The following PHF21A variants were observed in gnomAD, a reference collection of about 807,000 sequenced individuals.
The protein encoded by PHF21A is PHD finger protein 21A, also known as BHC80a.
A neutral mutation model predicts 82.5 loss-of-function variants in PHF21A; 11 were observed. The ratio of observed to expected loss-of-function variants is 0.13; its 90% CI spans 0.08 to 0.22. PHF21A has a LOEUF of 0.22. PHF21A is among the 10% of genes least tolerant of loss of function. The pLI is 1.00. For synonymous variants in PHF21A, 297 were observed against 302.8 expected, an observed-to-expected ratio of 0.98 and a Z score of 0.20; for missense variants, 579 against 837.8, an observed-to-expected ratio of 0.69 and a Z score of 3.81.
intron 6 of PHF21A, among the ~76,000 whole-genome samples, chr11:46,069,146 T>C (rs549528983): frequency 6.6e-6 from 1 of 152,354 alleles, no homozygotes; most frequent in South Asian, 2.1e-4. Flanking sequence ...CAGCCAGTTA[T>C]TTCTGAGCCT....
At chr11:45,949,520 G>A in intron 12 of PHF21A, 39 bp from the exon 13 acceptor site, 2 of 1,522,858 alleles carry the variant, frequency 1.3e-6, no homozygotes, top group Non-Finnish European at 1.8e-6. Flanking sequence ...AGAGAGGCAT[G>A]GAGAACCTAA....
intron 6 of PHF21A, among the ~76,000 whole-genome samples, chr11:45,993,582 G>T (rs983299656): frequency 3.3e-5 from 5 of 151,512 alleles, no homozygotes; most frequent in African/African-American, 1.2e-4. Flanking sequence ...AACTTTTCTG[G>T]GGCTCACAGG....
At chr11:46,037,040 T>C (rs971314628) in intron 6 of PHF21A, among the ~76,000 whole-genome samples, 1 of 152,186 alleles carries the variant, frequency 6.6e-6, no homozygotes, top group Non-Finnish European at 1.5e-5. Flanking sequence ...CCCTATGTTA[T>C]TGTACTAGCT....
At chr11:46,086,826 C>A (rs1471247696) in intron 3 of PHF21A, among the ~76,000 whole-genome samples, 3 of 152,078 alleles carry the variant, frequency 2.0e-5, no homozygotes, top group Non-Finnish European at 4.4e-5. Flanking sequence ...GGTTAAAACA[C>A]AAAGAACTTA....
In PHF21A at chr11:46,015,837, T is replaced by C. The variant is rs568646700; in HGVS notation, c.154-35871A>G. Among the ~76,000 whole-genome samples, 11 of 152,298 alleles carry C rather than the reference T, an allele frequency of 7.2e-5. No individual in the cohort carries two copies. The South Asian group carries it at 8.3e-4, about 11-fold the overall frequency. On this transcript the variant is annotated intron_variant, in intron 6 of 18. Coordinates refer to ENST00000676320, the MANE Select transcript of PHF21A (RefSeq NM_001352027.3). ...GAGCTGTCATCTTCTATGGTAACAA[T>C]GCCTTCGTCTGAAATACCTCCTGAA...
rs1312616351 is a variant in PHF21A, at chr11:45,934,319, G to C, written c.1789-94C>G. On this transcript the variant is annotated intron_variant, in intron 18 of 18. Transcript: ENST00000676320. ...GCAGAGCGCCTTCTCTCTGCCCAGGGAGAAGAAGCTCTGCTGGCTGCTGTG... is the reference window on the plus strand; with the variant it reads ...GCAGAGCGCCTTCTCTCTGCCCAGGCAGAAGAAGCTCTGCTGGCTGCTGTG... The C allele has an allele frequency of 1.6e-5, 20 of 1,273,062 alleles. No individual in the cohort carries two copies. The East Asian group carries it at 4.6e-4, about 29-fold the overall frequency. 78.9% of individuals were successfully genotyped at this position (1,273,062 alleles called of 1,614,324 possible). A position where few individuals can be genotyped will look rare whatever the true frequency, so the allele number is the denominator to read the frequency against.
intron 6 of PHF21A, among the ~76,000 whole-genome samples, chr11:46,058,911 A>G (rs1020695867): frequency 6.6e-6 from 1 of 152,216 alleles, no homozygotes; most frequent in African/African-American, 2.4e-5. Flanking sequence ...TGAGAAAGTC[A>G]ATCTCTAGAC....
intron 6 of PHF21A, among the ~76,000 whole-genome samples, chr11:46,071,229 G>C (rs1783009024): frequency 6.6e-6 from 1 of 152,188 alleles, no homozygotes; most frequent in South Asian, 2.1e-4. Context: ...CCTGCTTCTT[G>C]TGCTCTTAGG....
chr11:46,014,277 T>C (rs982283874), intron 6 of PHF21A, among the ~76,000 whole-genome samples: 1 of 152,234 alleles, frequency 6.6e-6, no homozygotes, highest in Admixed American at 6.5e-5. Flanking sequence ...CAGTTTTCTG[T>C]TTCTGCATTA....
At chr11:46,064,351 C>T (rs962032194) in intron 6 of PHF21A, among the ~76,000 whole-genome samples, 2 of 152,108 alleles carry the variant, frequency 1.3e-5, no homozygotes, top group African/African-American at 4.8e-5. Context: ...TAGTTGAAAA[C>T]TTGTAGGGCC....
intron 10 of PHF21A, among the ~76,000 whole-genome samples, chr11:45,957,309 C>G (rs536453825): frequency 6.6e-6 from 1 of 152,122 alleles, no homozygotes; most frequent in Non-Finnish European, 1.5e-5. Context: ...AAAGAATACT[C>G]CACTCCACAA....
intron 10 of PHF21A, among the ~76,000 whole-genome samples, chr11:45,956,623 A>AACGT (rs1427943877): frequency 2.0e-5 from 3 of 152,192 alleles, no homozygotes; most frequent in Non-Finnish European, 2.9e-5. Context: ...GATTGTTAAA[A>AACGT]ACGTATGAAT....
intron 10 of PHF21A, among the ~76,000 whole-genome samples, chr11:45,957,751 C>CAA: frequency 9.9e-5 from 6 of 60,902 alleles, no homozygotes; most frequent in Admixed American, 1.8e-4. Flanking sequence ...AAATTCAAAG[C>CAA]AAAAAAAAAA....
At chr11:46,036,061 G>A (rs917505082) in intron 6 of PHF21A, among the ~76,000 whole-genome samples, 2 of 152,168 alleles carry the variant, frequency 1.3e-5, no homozygotes, top group Non-Finnish European at 2.9e-5. Context: ...TAATGGCATG[G>A]GCTAAAGTAG....
At chr11:46,023,699 T>C (rs1222732460) in intron 6 of PHF21A, among the ~76,000 whole-genome samples, 1 of 152,252 alleles carries the variant, frequency 6.6e-6, no homozygotes. Context: ...CTCATGCCTG[T>C]AATCCCAACA....
rs925946424 is a variant in PHF21A, at chr11:46,121,387, C to T, written c.-689G>A. Among the ~76,000 whole-genome samples the T allele has an allele frequency of 6.6e-6, 1 of 151,174 alleles. No homozygotes were observed. Among genetic ancestry groups the T allele is most frequent in the Non-Finnish European group, 1.5e-5 (1 of 67,624 alleles). ...AGACAAACAAGCCCAACTCTTCATC[C>T]TCCTCCTCCTCTCAGCAGCAGCAGC... On this transcript the variant is annotated 5_prime_UTR_variant, in exon 1 of 19. Coordinates refer to ENST00000676320, the MANE Select transcript of PHF21A (RefSeq NM_001352027.3).
chr11:45,989,693 TAAAAATAA>T (rs927588468), intron 6 of PHF21A, among the ~76,000 whole-genome samples: 1 of 145,470 alleles, frequency 6.9e-6, no homozygotes, highest in African/African-American at 2.5e-5. Flanking sequence ...TAAATAAAAA[TAAAAATAA>T]AAAAATAAAA....
chr11:45,938,720 G>C (rs1296665673), intron 15 of PHF21A, among the ~76,000 whole-genome samples: 1 of 152,216 alleles, frequency 6.6e-6, no homozygotes, highest in African/African-American at 2.4e-5. Context: ...AGATGGGAAT[G>C]AGGTCTATCT....
At chr11:46,089,840 A>C (rs1193618785) in intron 3 of PHF21A, among the ~76,000 whole-genome samples, 5 of 151,092 alleles carry the variant, frequency 3.3e-5, no homozygotes, top group Non-Finnish European at 5.9e-5. Context: ...TTAAAAAAGG[A>C]ATCTCTACAC....
Sources: allele counts gnomAD v4.1 joint callset (sites outside exome capture counted in the v4.1 genomes callset), GRCh38; gene constraint gnomAD v4.1.1; transcripts MANE v1.5; gene names NCBI Gene and HGNC (gene_info 2026-07-23, HGNC 2026-07-21).